The following PLEKHM1 variants were observed in gnomAD, a reference collection of about 807,000 sequenced individuals.
The protein encoded by PLEKHM1 is pleckstrin homology domain-containing family M member 1.
A neutral mutation model predicts 94.3 loss-of-function variants in PLEKHM1; 28 were observed. The observed-to-expected ratio is 0.30, with a 90% confidence interval of 0.22 to 0.41. The LOEUF (loss-of-function observed/expected upper bound fraction) is 0.41. PLEKHM1 is among the 10% of genes least tolerant of loss of function. The pLI, the probability that PLEKHM1 is intolerant of heterozygous loss-of-function variation, is 1.00. For synonymous variants in PLEKHM1, 424 were observed against 581.2 expected (o/e 0.73, Z 3.89); for missense variants, 907 against 1,358.6 (o/e 0.67, Z 5.22).
chr17:45,479,553 G>GT (rs796348474), intron 2 of PLEKHM1, among the ~76,000 whole-genome samples: 19 of 151,664 alleles, frequency 1.3e-4, no homozygotes, highest in African/African-American at 4.3e-4. Flanking sequence ...AGGTGTGGTG[G>GT]TGAGTGCCTG....
Position 45,436,120 on chromosome 17 carries a change from CG to C in PLEKHM1, c.*1737del, listed in dbSNP as rs1036855653. 4.4e-6 allele frequency: 2 copies of C among 456,228 alleles called. No homozygotes were observed. Among genetic ancestry groups the C allele is most frequent in the African/African-American group, 4.0e-5 (2 of 50,084 alleles). 28.3% of individuals were successfully genotyped at this position (456,228 alleles called of 1,614,324 possible). A position where few individuals can be genotyped will look rare whatever the true frequency, so the allele number is the denominator to read the frequency against. On this transcript the variant is annotated 3_prime_UTR_variant, in exon 12 of 12. Coordinates refer to ENST00000430334, the MANE Select transcript of PLEKHM1 (RefSeq NM_014798.3). ...GAAAGCACTGGCAGCTTCTGGGGAACGGGCCCCCCAGGGCCTCAAACCTGCT... is the reference window on the plus strand; with the variant it reads ...GAAAGCACTGGCAGCTTCTGGGGAACGGCCCCCCAGGGCCTCAAACCTGCT...
In PLEKHM1 at chr17:45,440,236, A is replaced by G. The variant is rs763693104; in HGVS notation, c.2838-10T>C. Reference sequence around the variant, plus strand: ...ATTCCTGTGGTTGAGCCTTCAAACAAAACACAAGCGATTCTTTAGAAAGGT... The same window carrying G: ...ATTCCTGTGGTTGAGCCTTCAAACAGAACACAAGCGATTCTTTAGAAAGGT... On this transcript the variant is annotated splice_polypyrimidine_tract_variant and intron_variant, in intron 9 of 11. Transcript: ENST00000430334. The G allele has an allele frequency of 8.7e-6, 14 of 1,613,632 alleles. No homozygotes were observed. Among genetic ancestry groups the G allele is most frequent in the Admixed American group, 1.7e-5 (1 of 60,014 alleles).
intron 9 of PLEKHM1, among the ~76,000 whole-genome samples, chr17:45,440,630 C>T (rs918003278): frequency 6.6e-6 from 1 of 152,216 alleles, no homozygotes; most frequent in African/African-American, 2.4e-5. Flanking sequence ...TTGATCCTCA[C>T]AATAATTCTG....
At chr17:45,472,798 C>T (rs73986103) in intron 4 of PLEKHM1, among the ~76,000 whole-genome samples, 15 of 152,272 alleles carry the variant, frequency 9.9e-5, no homozygotes, top group South Asian at 4.1e-4. Context: ...GAAACTAGGT[C>T]GGCTCCAAGC....
chr17:45,467,987 A>G (rs965447184), intron 5 of PLEKHM1, among the ~76,000 whole-genome samples: 6 of 152,086 alleles, frequency 3.9e-5, no homozygotes, highest in Non-Finnish European at 7.4e-5. Flanking sequence ...TGCCGGGCTT[A>G]TATCTACAGC....
intron 2 of PLEKHM1, among the ~76,000 whole-genome samples, chr17:45,480,766 T>C (rs532310131): frequency 1.5e-4 from 23 of 152,366 alleles, no homozygotes; most frequent in African/African-American, 5.5e-4. Flanking sequence ...TCCCTTTTTA[T>C]TGCCAGAAAA....
chr17:45,475,483 G>A lies in PLEKHM1; in HGVS notation c.540C>T (p.Tyr180=). The part of the protein sequence containing the change: ...GLTSLSFELS[Y]KSAILNEWTL... The stretch of plus-strand genomic sequence containing the variant: ...TCCACTCATTTAAGATGGCAGACTT[G>A]TAGGAGAGTTCGAAGGACAAGGACG... The change falls in exon 4 of 12, where the codon TAC becomes TAT. Residue 180 remains tyrosine (Y), a synonymous_variant. Coordinates refer to ENST00000430334, the MANE Select transcript of PLEKHM1 (RefSeq NM_014798.3). 2 of 1,612,776 alleles carry A rather than the reference G, an allele frequency of 1.2e-6. No homozygotes were observed.
rs1432632732 is a variant in PLEKHM1 at position 45,475,582 on chromosome 17, C to T, written c.441G>A (p.Glu147=). 1.9e-6 allele frequency: 3 copies of T among 1,613,948 alleles called. No individual in the cohort carries two copies. The highest frequency in any genetic ancestry group is 2.5e-6 in the Non-Finnish European group (3 of 1,179,868). The part of the protein sequence containing the change: ...LLLQEQARLH[E]YYQPTALLRD... ...GGAGCAGGGCGGTGGGCTGGTAGTA[C>T]TCATGCAAGCGGGCCTGCTCCTGCA... The change falls in exon 4 of 12, where the codon GAG becomes GAA. Residue 147 remains glutamate (E), a synonymous_variant. Transcript: ENST00000430334.
At chr17:45,459,979 T>C (rs2051104236) in intron 5 of PLEKHM1, 1 of 150,872 alleles carries the variant, frequency 6.6e-6, no homozygotes, top group African/African-American at 2.4e-5. Context: ...TGAGGTCATG[T>C]TGGAGTAGAA....
At chr17:45,479,241 C>T (rs551490340) in intron 2 of PLEKHM1, among the ~76,000 whole-genome samples, 11 of 151,626 alleles carry the variant, frequency 7.3e-5, no homozygotes, top group Admixed American at 1.3e-4. Flanking sequence ...AGGTGTGGGC[C>T]GGGCACGGTG....
chr17:45,444,664 G>A lies in PLEKHM1; in HGVS notation c.2837+806C>T, dbSNP rs886157829. Reference sequence around the variant, plus strand: ...AGTTCTCCCTGGGCTTTCCACCAACGGTGCCTTCGTTCATGGCCTGTGCGT... The same window carrying A: ...AGTTCTCCCTGGGCTTTCCACCAACAGTGCCTTCGTTCATGGCCTGTGCGT... On this transcript the variant is annotated intron_variant, in intron 9 of 11. Transcript: ENST00000430334. This position sits in a 1 kb window ranked among gnomAD's most constrained non-coding sequence, Gnocchi z 5.0. 3.3e-5 allele frequency among the ~76,000 whole-genome samples: 5 copies of A among 152,120 alleles called. No homozygotes were observed. Among genetic ancestry groups the A allele is most frequent in the African/African-American group, 1.2e-4 (5 of 41,424 alleles).
At chr17:45,457,347 G>A (rs1007754830) in intron 6 of PLEKHM1, among the ~76,000 whole-genome samples, 4 of 151,940 alleles carry the variant, frequency 2.6e-5, no homozygotes, top group Non-Finnish European at 5.9e-5. Context: ...GTGGATCACC[G>A]GAGGTCGGGA....
intron 1 of PLEKHM1, chr17:45,487,690 A>C (rs1484563296): frequency 1.1e-5 from 5 of 455,962 alleles, no homozygotes; most frequent in African/African-American, 8.0e-5. Context: ...CCAGAGATCA[A>C]GGAAGCAAAA....
chr17:45,442,303 G>A (rs965628611), intron 9 of PLEKHM1, among the ~76,000 whole-genome samples: 1 of 152,148 alleles, frequency 6.6e-6, no homozygotes, highest in African/African-American at 2.4e-5. Flanking sequence ...TGGCTGACTC[G>A]GTCCAGGCCC....
chr17:45,464,331 T>A (rs1230104443), intron 5 of PLEKHM1, among the ~76,000 whole-genome samples: 1 of 152,250 alleles, frequency 6.6e-6, no homozygotes, highest in African/African-American at 2.4e-5. Flanking sequence ...GTAGGTGCTT[T>A]GGGTTCAATG....
Position 45,444,160 on chromosome 17 carries a change from GC to G in PLEKHM1, c.2837+1309del, listed in dbSNP as rs1245886115. 6.6e-6 allele frequency among the ~76,000 whole-genome samples: 1 copy of G among 152,184 alleles called. No homozygotes were observed. Among genetic ancestry groups the G allele is most frequent in the Non-Finnish European group, 1.5e-5 (1 of 68,022 alleles). On this transcript the variant is annotated intron_variant, in intron 9 of 11. Transcript: ENST00000430334. The surrounding 1 kb of genome is among the most constrained non-coding windows in gnomAD (Gnocchi z 5.0). ...CTTCAGAGAGGCGCTCTCTGGGCCA[GC>G]CCTGTGGGGAGGGAAGGCCAGACGG...
intron 2 of PLEKHM1, among the ~76,000 whole-genome samples, chr17:45,479,729 T>G (rs1237868237): frequency 7.1e-6 from 1 of 141,002 alleles, no homozygotes; most frequent in South Asian, 2.2e-4. Flanking sequence ...AAAAAACATA[T>G]ATATAAAAGA....
At chr17:45,460,463 C>G (rs949811249) in intron 5 of PLEKHM1, 3 of 152,226 alleles carry the variant, frequency 2.0e-5, no homozygotes, top group African/African-American at 7.2e-5. Context: ...CCTTGTCGGC[C>G]AGGCTGGTCT....
At chr17:45,440,876 C>T (rs1015744402) in intron 9 of PLEKHM1, 4 of 159,990 alleles carry the variant, frequency 2.5e-5, no homozygotes, top group African/African-American at 9.6e-5. Flanking sequence ...AGGATATGGC[C>T]TCTGCCCTCC....
Sources: gnomAD v4.1 joint callset for allele counts (sites outside exome capture counted in the v4.1 genomes callset) on GRCh38, gnomAD v4.1.1 for gene constraint, Gnocchi (gnomAD v3.1) non-coding constraint, MANE v1.5 for transcripts, NCBI Gene and HGNC (gene_info 2026-07-23, HGNC 2026-07-21) for gene names.